SAMD7: variants seen among roughly 807,000 people sequenced by gnomAD.
SAMD7 encodes the protein sterile alpha motif domain containing 7.
SAMD7 carries 34 observed loss-of-function variants against 36.7 expected under a neutral mutation model. The observed-to-expected ratio is 0.93, with a 90% CI of 0.71 to 1.23. The LOEUF is 1.23. SAMD7 is among the 50% of genes most tolerant of loss of function. SAMD7 has a pLI of 0.00. For missense variants in SAMD7, 570 were observed against 546.6 expected, an observed-to-expected ratio of 1.04 and a Z score of -0.43; for synonymous variants, 188 against 189.7, an observed-to-expected ratio of 0.99 and a Z score of 0.07.
rs778806992 is a variant in SAMD7 at position 169,926,863 on chromosome 3, T to G, written c.601T>G (p.Ser201Ala). 1.4e-5 allele frequency: 23 copies of G among 1,613,324 alleles called. No homozygotes were observed. Among genetic ancestry groups the G allele is most frequent in the Non-Finnish European group, 1.9e-5 (22 of 1,179,916 alleles). ...QKALDSDAESSKSQAEEKILG... is the reference protein window; with the variant it reads ...QKALDSDAESAKSQAEEKILG... ...AGCTCTAGACAGTGATGCTGAGAGTTCCAAAAGTCAAGCAGAAGAAAAAAT... is the reference window on the plus strand; with the variant it reads ...AGCTCTAGACAGTGATGCTGAGAGTGCCAAAAGTCAAGCAGAAGAAAAAAT... Residue 201 changes from serine (S) to alanine (A), a missense_variant, in exon 6 of 9, where the codon TCC (serine) becomes GCC (alanine). Physicochemically the swap from Ser to Ala is moderately conservative, Grantham distance 99. Transcript: ENST00000335556.
chr3:169,934,813 G>A (rs1337547927), intron 7 of SAMD7, among the ~76,000 whole-genome samples: 1 of 152,232 alleles, frequency 6.6e-6, no homozygotes, highest in African/African-American at 2.4e-5. Flanking sequence ...AAAGGGACCT[G>A]AGTCAGAAGC....
rs964681949 is a variant in SAMD7 at position 169,926,460 on chromosome 3, T to C, written c.291-93T>C. On this transcript the variant is annotated intron_variant, in intron 5 of 8. Transcript: ENST00000335556. ...CACCAAACAAACTTCAGATAAACAG[T>C]GTGAGGACTATTTTAGGGAAGACAA... 5.3e-6 allele frequency: 7 copies of C among 1,316,878 alleles called. No homozygotes were observed. In the Admixed American group the frequency reaches 9.4e-5, roughly 18 times the overall value. 81.6% of individuals were successfully genotyped at this position (1,316,878 alleles called of 1,614,324 possible). A position where few individuals can be genotyped will look rare whatever the true frequency, so the allele number is the denominator to read the frequency against.
At chr3:169,924,868 A>C (rs1030001343) in intron 4 of SAMD7, among the ~76,000 whole-genome samples, 190 bp from the exon 5 acceptor site, 3 of 152,190 alleles carry the variant, frequency 2.0e-5, no homozygotes, top group African/African-American at 7.2e-5. Flanking sequence ...GGTATTTGTC[A>C]TGCTGTCACC....
chr3:169,918,992 CA>C (rs1015966462), intron 2 of SAMD7, among the ~76,000 whole-genome samples: 1 of 152,052 alleles, frequency 6.6e-6, no homozygotes, highest in Non-Finnish European at 1.5e-5. Flanking sequence ...ATTAAAAATA[CA>C]AAATTAGCCG....
intron 1 of SAMD7, among the ~76,000 whole-genome samples, chr3:169,915,118 C>T (rs186721306): frequency 4.6e-5 from 7 of 152,334 alleles, no homozygotes; most frequent in Non-Finnish European, 1.0e-4. Context: ...GTGCCCTCAA[C>T]CAATGGCCAA....
At chr3:169,936,213 T>C in intron 7 of SAMD7, 126 bp from the exon 8 acceptor site, 2 of 615,916 alleles carry the variant, frequency 3.2e-6, no homozygotes, top group Non-Finnish European at 5.8e-6. Context: ...AAAAAGGTTT[T>C]ACAAATTTTT....
At chr3:169,920,913 T>C (rs1713015489) in intron 3 of SAMD7, among the ~76,000 whole-genome samples, 2 of 152,226 alleles carry the variant, frequency 1.3e-5, no homozygotes, top group Admixed American at 1.3e-4. Flanking sequence ...CTGTTGGTCA[T>C]GAAAAATCAG....
chr3:169,928,418 T>C (rs1713359307), intron 6 of SAMD7, 39 bp from the exon 7 acceptor site: 1 of 1,571,980 alleles, frequency 6.4e-7, no homozygotes, highest in Non-Finnish European at 8.8e-7. Flanking sequence ...TACATAAACC[T>C]GTATGTATTT....
chr3:169,924,355 G>A (rs773539165), intron 4 of SAMD7, among the ~76,000 whole-genome samples: 8 of 151,972 alleles, frequency 5.3e-5, no homozygotes, highest in African/African-American at 9.7e-5. Context: ...TTGGGAGGCC[G>A]AGGCAGGCAG....
rs1049786328 is a variant in SAMD7, at chr3:169,915,654, G to C, written c.-42+213G>C. On this transcript the variant is annotated intron_variant, in intron 2 of 8. Coordinates refer to ENST00000335556, the MANE Select transcript of SAMD7 (RefSeq NM_001304366.2). ...GGCTGGAGTGCAGCGGTGCGATCTT[G>C]GCTCACTGCAACCTCTGCCTCCTGA... Among the ~76,000 whole-genome samples the C allele has an allele frequency of 4.3e-5, 6 of 138,494 alleles. No individual in the cohort carries two copies. In the Admixed American group the frequency reaches 4.8e-4, roughly 11 times the overall value. 90.9% of individuals were successfully genotyped at this position (138,494 alleles called of 152,430 possible). A position where few individuals can be genotyped will look rare whatever the true frequency, so the allele number is the denominator to read the frequency against.
At chr3:169,917,851 TA>T (rs1378978363) in intron 2 of SAMD7, among the ~76,000 whole-genome samples, 1 of 152,054 alleles carries the variant, frequency 6.6e-6, no homozygotes, top group Non-Finnish European at 1.5e-5. Flanking sequence ...CCATGTTAGC[TA>T]GGCTGGTCTC....
In SAMD7 at chr3:169,927,058, C is replaced by T; in HGVS notation, c.796C>T (p.His266Tyr). 6.2e-7 allele frequency: 1 copy of T among 1,612,322 alleles called. No individual in the cohort carries two copies. The highest frequency in any genetic ancestry group is 8.5e-7 in the Non-Finnish European group (1 of 1,179,508). Reference protein sequence around the residue: ...EPTHRKPWGSHTTTLKAKAWD... With the variant: ...EPTHRKPWGSYTTTLKAKAWD... ...CACCCATAGGAAACCCTGGGGGTCTCACACCACTACCCTGAAAGCAAAGGC... is the reference window on the plus strand; with the variant it reads ...CACCCATAGGAAACCCTGGGGGTCTTACACCACTACCCTGAAAGCAAAGGC... Residue 266 changes from histidine (H) to tyrosine (Y), a missense_variant, in exon 6 of 9, where the codon CAC becomes TAC. Transcript: ENST00000335556.
intron 2 of SAMD7, among the ~76,000 whole-genome samples, chr3:169,919,070 C>T (rs1258267936): frequency 2.0e-5 from 3 of 152,060 alleles, no homozygotes; most frequent in Non-Finnish European, 4.4e-5. Flanking sequence ...GGCTTGAACC[C>T]GGGAGGCGGA....
intron 8 of SAMD7, among the ~76,000 whole-genome samples, chr3:169,936,823 T>G (rs149958411): frequency 6.6e-6 from 1 of 152,172 alleles, no homozygotes; most frequent in African/African-American, 2.4e-5. Flanking sequence ...ATCATCCCAC[T>G]CGGGAGTGCT....
chr3:169,927,049 T>TG lies in SAMD7; in HGVS notation c.792dup (p.Ser265ValfsTer27). ...GCTCGAGCCCACCCATAGGAAACCC[T>TG]GGGGGTCTCACACCACTACCCTGAA... On this transcript the variant is annotated frameshift_variant, in exon 6 of 9. Transcript: ENST00000335556. LOFTEE classifies it high-confidence loss of function. The TG allele has an allele frequency of 6.2e-7, 1 of 1,611,898 alleles. No homozygotes were observed. The highest frequency in any genetic ancestry group is 8.5e-7 in the Non-Finnish European group (1 of 1,179,338).
intron 5 of SAMD7, 111 bp from the exon 6 acceptor site, chr3:169,926,442 C>A (rs1452348975): frequency 4.8e-6 from 6 of 1,256,794 alleles, no homozygotes; most frequent in African/African-American, 4.5e-5. Flanking sequence ...TTCCACCAAA[C>A]AAACTTCAGA....
chr3:169,912,418 G>T (rs1712634333), intron 1 of SAMD7, among the ~76,000 whole-genome samples: 2 of 152,104 alleles, frequency 1.3e-5, no homozygotes, highest in Non-Finnish European at 2.9e-5. Flanking sequence ...CATTATATGA[G>T]TACTGCTAGA....
In SAMD7 at chr3:169,926,798, A is replaced by G. The variant is rs762075412; in HGVS notation, c.536A>G (p.Gln179Arg). 6.2e-7 allele frequency: 1 copy of G among 1,614,032 alleles called. No homozygotes were observed. Among genetic ancestry groups the G allele is most frequent in the Non-Finnish European group, 8.5e-7 (1 of 1,180,008 alleles). Residue 179 changes from glutamine to arginine, a missense_variant, in exon 6 of 9, where the codon CAG becomes CGG. By Grantham distance (43) the Gln-to-Arg change is conservative. Transcript: ENST00000335556. Reference sequence around the variant, plus strand: ...CCACACTTTGAGGAGAGCTGGGGGCAGAGATGTCGTCGACTCAGGAAAAAT... The same window carrying G: ...CCACACTTTGAGGAGAGCTGGGGGCGGAGATGTCGTCGACTCAGGAAAAAT... The part of the protein sequence containing the change: ...TAPHFEESWG[Q>R]RCRRLRKNTG...
intron 7 of SAMD7, chr3:169,932,623 A>G (rs1425586887): frequency 7.5e-6 from 4 of 531,164 alleles, no homozygotes; most frequent in Non-Finnish European, 1.1e-5. Context: ...ACTACCGAGA[A>G]ACAGAATCAG....
Sources: allele counts gnomAD v4.1 joint callset (sites outside exome capture counted in the v4.1 genomes callset), GRCh38; gene constraint gnomAD v4.1.1; transcripts MANE v1.5; gene names NCBI Gene and HGNC (gene_info 2026-07-23, HGNC 2026-07-21).